The following MGST2 variants were observed in gnomAD, a reference collection of about 807,000 sequenced individuals.
The protein encoded by MGST2 is glutathione peroxidase MGST2.
MGST2 carries 9 observed loss-of-function variants against 16.6 expected under a neutral mutation model. The ratio of observed to expected loss-of-function variants is 0.54; its 90% confidence interval spans 0.33 to 0.95. MGST2 has a LOEUF of 0.95. MGST2 is among the 40% of genes least tolerant of loss of function. MGST2 has a pLI of 0.03. For missense variants in MGST2, 159 were observed against 175.1 expected, an observed-to-expected ratio of 0.91 and a Z score of 0.52; for synonymous variants, 79 against 68.0, an observed-to-expected ratio of 1.16 and a Z score of -0.79.
At chr4:139,720,332 A>T (rs753483202) in intron 5 of MGST2, 1 of 1,518,022 alleles carries the variant, frequency 6.6e-7, no homozygotes, top group South Asian at 1.3e-5. Flanking sequence ...ACCTGCAGTG[A>T]AAAAGAGGAC....
At chr4:139,693,344 G>A (rs1420068284) in intron 2 of MGST2, among the ~76,000 whole-genome samples, 1 of 148,550 alleles carries the variant, frequency 6.7e-6, no homozygotes, top group Non-Finnish European at 1.5e-5. Flanking sequence ...GGCGGAGCTT[G>A]TAGTGAGCCG....
At chr4:139,751,931 C>T in the MGST2 span, among the ~76,000 whole-genome samples, 1 of 152,144 alleles carries the variant, frequency 6.6e-6, no homozygotes, top group Non-Finnish European at 1.5e-5. Context: ...CAGAGACCTC[C>T]AAGGAGCCTC....
At chr4:139,733,442 C>A (rs952476277) in intron 5 of MGST2, among the ~76,000 whole-genome samples, 5 of 151,920 alleles carry the variant, frequency 3.3e-5, no homozygotes, top group South Asian at 2.1e-4. Flanking sequence ...GCTTTCCCAG[C>A]CTCCTCTCCA....
At chr4:139,673,930 C>T (rs1218648898) in intron 1 of MGST2, among the ~76,000 whole-genome samples, 4 of 152,184 alleles carry the variant, frequency 2.6e-5, no homozygotes, top group Admixed American at 2.0e-4. Flanking sequence ...GAGGTTATAC[C>T]TTGGTTTGGC....
chr4:139,723,955 A>G (rs1380010580), intron 5 of MGST2, among the ~76,000 whole-genome samples: 1 of 152,214 alleles, frequency 6.6e-6, no homozygotes. Flanking sequence ...CTTTCAGTGC[A>G]GGCTAAAGTT....
At position 139,715,501 on chromosome 4, in the gene MGST2, G is replaced by A. The variant is rs1283815388; in HGVS notation, c.*48+11305G>A. Among the ~76,000 whole-genome samples the A allele has an allele frequency of 1.3e-5, 2 of 152,178 alleles. No homozygotes were observed. Among genetic ancestry groups the A allele is most frequent in the Non-Finnish European group, 2.9e-5 (2 of 68,036 alleles). On this transcript the variant is annotated intron_variant, in intron 5 of 5. Coordinates refer to the MGST2 transcript ENST00000616265. The surrounding 1 kb of genome is among the most constrained non-coding windows in gnomAD (Gnocchi z 4.4). ...TGGCTCTTGCGCAAGAAAGAATTCA[G>A]GGTGAGTCTGCAGTGCACAGTGAAA...
At chr4:139,705,410 G>A (rs1232714383), downstream of MGST2, among the ~76,000 whole-genome samples, 2 of 152,274 alleles carry the variant, frequency 1.3e-5, no homozygotes, top group Admixed American at 1.3e-4. Flanking sequence ...TTCCAGAGGA[G>A]TTAGTATGAA....
At chr4:139,730,759 G>C (rs760418241) in intron 5 of MGST2, 148 of 1,208,242 alleles carry the variant, frequency 1.2e-4, no homozygotes, top group Admixed American at 5.5e-4. Context: ...GAACGGGGCA[G>C]AAGTCCCAGC....
At chr4:139,748,602 C>T in the MGST2 span, among the ~76,000 whole-genome samples, 6 of 152,152 alleles carry the variant, frequency 3.9e-5, no homozygotes, top group South Asian at 6.2e-4. Context: ...AGGACACTTC[C>T]GGCTCAGTCC....
intron 3 of MGST2, among the ~76,000 whole-genome samples, chr4:139,703,037 T>C: frequency 6.6e-6 from 1 of 151,738 alleles, no homozygotes; most frequent in East Asian, 1.9e-4. Context: ...ACGATTCTCC[T>C]GCCTCAGCTT....
chr4:139,671,525 G>A (rs8192027), intron 1 of MGST2, among the ~76,000 whole-genome samples: 1,983 of 152,246 alleles, frequency 0.013, 28 homozygotes, highest in African/African-American at 0.038. Context: ...GAGTGCAGTG[G>A]TGTGATCTCA....
intron 2 of MGST2, among the ~76,000 whole-genome samples, chr4:139,682,329 T>A (rs1487447539): frequency 6.6e-6 from 1 of 151,958 alleles, no homozygotes; most frequent in Non-Finnish European, 1.5e-5. Context: ...TGGTCTGTGA[T>A]ATACAATAAA....
intron 3 of MGST2, among the ~76,000 whole-genome samples, chr4:139,701,395 C>G (rs1011684734): frequency 6.6e-6 from 1 of 152,104 alleles, no homozygotes; most frequent in African/African-American, 2.4e-5. Flanking sequence ...TCTTCCTTCC[C>G]AGCTCTTTGC....
At chr4:139,708,831 C>T (rs181911456), downstream of MGST2, among the ~76,000 whole-genome samples, 846 of 151,710 alleles carry the variant, frequency 5.6e-3, 6 homozygotes, top group African/African-American at 0.019. Flanking sequence ...GAAGAAATCC[C>T]GTCTCTACTA....
chr4:139,720,415 A>T (rs1311161404), intron 5 of MGST2: 12 of 1,151,188 alleles, frequency 1.0e-5, no homozygotes, highest in Non-Finnish European at 1.3e-5. Context: ...GAATGACAAA[A>T]TTCCTTTATA....
chr4:139,672,598 C>T (rs1166553805), intron 1 of MGST2, among the ~76,000 whole-genome samples: 7 of 147,912 alleles, frequency 4.7e-5, no homozygotes, highest in Non-Finnish European at 8.9e-5. Flanking sequence ...TTTTTTGACT[C>T]GGAGTACAGT....
At chr4:139,670,256 G>T (rs1267606237) in intron 1 of MGST2, among the ~76,000 whole-genome samples, 1 of 132,106 alleles carries the variant, frequency 7.6e-6, no homozygotes, top group Non-Finnish European at 1.6e-5. Flanking sequence ...TTCGGTGGGG[G>T]GCGGGGGGGG....
intron 5 of MGST2, chr4:139,725,710 C>A: frequency 6.3e-7 from 1 of 1,583,408 alleles, no homozygotes; most frequent in Non-Finnish European, 8.7e-7. Flanking sequence ...TACGCTTCAC[C>A]ACTGGAAGGT....
chr4:139,682,762 T>C (rs866632710), intron 2 of MGST2, among the ~76,000 whole-genome samples: 2 of 151,912 alleles, frequency 1.3e-5, no homozygotes, highest in Non-Finnish European at 2.9e-5. Flanking sequence ...GAATTTTTGC[T>C]CCTTAGTTCA....
Sources: gnomAD v4.1 joint callset for allele counts (sites outside exome capture counted in the v4.1 genomes callset) on GRCh38, gnomAD v4.1.1 for gene constraint, Gnocchi (gnomAD v3.1) non-coding constraint, MANE v1.5 for transcripts, NCBI Gene and HGNC (gene_info 2026-07-23, HGNC 2026-07-21) for gene names.